IGF1R: variants seen among roughly 807,000 people sequenced by gnomAD.
IGF1R encodes insulin-like growth factor 1 receptor.
A neutral mutation model predicts 144.6 loss-of-function variants in IGF1R; 44 were observed. That is an observed-to-expected ratio of 0.30 (90% CI 0.24 to 0.39). The LOEUF is 0.39. IGF1R is among the 10% of genes least tolerant of loss of function. IGF1R has a pLI of 1.00. For synonymous variants in IGF1R, 795 were observed against 722.8 expected (o/e 1.10, Z -1.60); for missense variants, 1,355 against 1,833.7 (o/e 0.74, Z 4.77).
At position 98,929,549 on chromosome 15, in the gene IGF1R, TTGC is replaced by T; in HGVS notation, c.2783-5_2783-3del. The T allele has an allele frequency of 6.2e-7, 1 of 1,604,946 alleles. No individual in the cohort carries two copies. The highest frequency in any genetic ancestry group is 1.7e-4 in the Middle Eastern group (1 of 6,046). Reference sequence around the variant, plus strand: ...GTGATATTTTATCATTTCCTCCTCTTTGCTGCAGCAGGATATGAAAACTTCATC... The same window carrying T: ...GTGATATTTTATCATTTCCTCCTCTTTGCAGCAGGATATGAAAACTTCATC... On this transcript the variant is annotated splice_region_variant and splice_polypyrimidine_tract_variant and intron_variant, in intron 13 of 20. Transcript: ENST00000650285.
chr15:98,762,238 CTTTTTT>C (rs5814898), intron 2 of IGF1R, among the ~76,000 whole-genome samples: 2,303 of 95,802 alleles, frequency 0.024, 61 homozygotes, highest in African/African-American at 0.089. Flanking sequence ...CTTTTCTTTT[CTTTTTT>C]TTTTTTTTTT....
intron 1 of IGF1R, 60 bp downstream of exon 1, chr15:98,649,735 C>T: frequency 7.5e-7 from 1 of 1,333,986 alleles, no homozygotes; most frequent in East Asian, 2.4e-5. Flanking sequence ...GGGGCTGCGC[C>T]CTGTTTGCGA....
chr15:98,892,527 C>CAAA (rs368474118), intron 3 of IGF1R, among the ~76,000 whole-genome samples: 1,479 of 75,430 alleles, frequency 0.02, 63 homozygotes, highest in Admixed American at 0.081. Context: ...ACTCTGTCTC[C>CAAA]AAAAAAAAAA....
intron 1 of IGF1R, among the ~76,000 whole-genome samples, chr15:98,675,170 G>T (rs905976041): frequency 1.3e-5 from 2 of 151,780 alleles, no homozygotes; most frequent in African/African-American, 4.8e-5. Context: ...TGTATTTTTA[G>T]TAGAAACGGG....
At chr15:98,650,124 CCGCTGCTGG>C (rs1170837248) in intron 1 of IGF1R, among the ~76,000 whole-genome samples, 1 of 152,182 alleles carries the variant, frequency 6.6e-6, no homozygotes, top group African/African-American at 2.4e-5. Flanking sequence ...CACCGCGTCT[CCGCTGCTGG>C]GGCTGACCGG....
intron 2 of IGF1R, among the ~76,000 whole-genome samples, chr15:98,793,036 C>G (rs1461149854): frequency 6.6e-6 from 1 of 152,168 alleles, no homozygotes. Flanking sequence ...GATACAAAGA[C>G]TGGTCCATTC....
At chr15:98,758,208 T>TAG (rs2055204139) in intron 2 of IGF1R, among the ~76,000 whole-genome samples, 1 of 104,268 alleles carries the variant, frequency 9.6e-6, no homozygotes, top group East Asian at 3.8e-4. Context: ...TTTTAAAGTG[T>TAG]TTTTTTTTTT....
rs35701313 is a variant in IGF1R, at chr15:98,948,580, C to T, written c.3594C>T (p.Phe1198=). The T allele has an allele frequency of 1.6e-3, 2,562 of 1,614,000 alleles. 2 individuals are homozygous for T. Among genetic ancestry groups the T allele is most frequent in the Non-Finnish European group, 2.0e-3 (2,314 of 1,180,000 alleles). Residue 1198 remains phenylalanine, a synonymous_variant, in exon 20 of 21, where the codon TTC becomes TTT. Transcript: ENST00000650285. ...AGTTTTTTTCTCCCTGTAGGTCCTT[C>T]GGGGTCGTCCTCTGGGAGATCGCCA... ...VFTTYSDVWS[F]GVVLWEIATL...
At chr15:98,796,615 G>A (rs2056248380) in intron 2 of IGF1R, among the ~76,000 whole-genome samples, 1 of 152,190 alleles carries the variant, frequency 6.6e-6, no homozygotes, top group Non-Finnish European at 1.5e-5. Context: ...CGTAGCTGAT[G>A]GGGTCTCCTG....
chr15:98,854,203 T>C (rs1420361998), intron 2 of IGF1R, among the ~76,000 whole-genome samples: 1 of 152,148 alleles, frequency 6.6e-6, no homozygotes, highest in East Asian at 1.9e-4. Context: ...CATGACTCTC[T>C]TATGAAGTTA....
chr15:98,821,901 GCT>G (rs1429034561), intron 2 of IGF1R, among the ~76,000 whole-genome samples: 1 of 152,132 alleles, frequency 6.6e-6, no homozygotes, highest in African/African-American at 2.4e-5. Context: ...ATTCATGATG[GCT>G]TCTTAATTCC....
At chr15:98,837,442 T>C (rs1354215683) in intron 2 of IGF1R, among the ~76,000 whole-genome samples, 1 of 152,136 alleles carries the variant, frequency 6.6e-6, no homozygotes, top group Non-Finnish European at 1.5e-5. Context: ...GGGTTTCACA[T>C]GTTGGCCAGG....
intron 20 of IGF1R, chr15:98,954,237 G>A (rs2016890238): frequency 6.6e-6 from 1 of 151,666 alleles, no homozygotes; most frequent in African/African-American, 2.4e-5. Context: ...CCAGCCTCCG[G>A]GGGGGGTCAC....
chr15:98,929,722 A>G (rs1259271107), intron 14 of IGF1R, 62 bp downstream of exon 14: 5 of 1,073,802 alleles, frequency 4.7e-6, no homozygotes, highest in Non-Finnish European at 7.3e-6. Flanking sequence ...TTTGAATGTG[A>G]GTGAAGGTGA....
chr15:98,945,088 C>G (rs1456166718), intron 19 of IGF1R, among the ~76,000 whole-genome samples: 1 of 152,242 alleles, frequency 6.6e-6, no homozygotes, highest in Admixed American at 6.5e-5. Context: ...CACCATGTCC[C>G]TCTGAAATGA....
intron 2 of IGF1R, among the ~76,000 whole-genome samples, chr15:98,852,604 C>G (rs1289288700): frequency 6.6e-6 from 1 of 152,042 alleles, no homozygotes; most frequent in Non-Finnish European, 1.5e-5. Flanking sequence ...TGTGTTCCCC[C>G]CACTAAGAAA....
At chr15:98,912,495 A>G (rs185961794) in intron 7 of IGF1R, among the ~76,000 whole-genome samples, 226 of 152,346 alleles carry the variant, frequency 1.5e-3, no homozygotes, top group African/African-American at 5.1e-3. Flanking sequence ...TCTGATAGTC[A>G]CACCAGTGCT....
In IGF1R at chr15:98,665,840, C is replaced by T. The variant is rs1157355069; in HGVS notation, c.94+16165C>T. On this transcript the variant is annotated intron_variant, in intron 1 of 20. Transcript: ENST00000650285. The stretch of plus-strand genomic sequence containing the variant: ...GAGAAGGAGCTGCTCTCTTGCTCTG[C>T]TCCCTGGATCGCACAAGGTCTTCCT... Among the ~76,000 whole-genome samples, 5 of 152,204 alleles carry T rather than the reference C, an allele frequency of 3.3e-5. No homozygotes were observed. The East Asian group carries it at 9.6e-4, about 29-fold the overall frequency.
Position 98,680,427 on chromosome 15 carries a change from T to C in IGF1R, c.95-27135T>C, listed in dbSNP as rs2053159566. Among the ~76,000 whole-genome samples, 6 of 152,134 alleles carry C rather than the reference T, an allele frequency of 3.9e-5. No homozygotes were observed. The South Asian group carries it at 1.0e-3, about 26-fold the overall frequency. On this transcript the variant is annotated intron_variant, in intron 1 of 20. Transcript: ENST00000650285. ...GACTACAGGCGCCTGCCACCACGCC[T>C]GGCTAATTTTTTGTATTTTTAGTGG...
Sources: allele counts gnomAD v4.1 joint callset (sites outside exome capture counted in the v4.1 genomes callset), GRCh38; gene constraint gnomAD v4.1.1; transcripts MANE v1.5; gene names NCBI Gene and HGNC (gene_info 2026-07-23, HGNC 2026-07-21).